BICRA: variants seen among roughly 807,000 people sequenced by gnomAD.
The protein encoded by BICRA is BRD4-interacting chromatin-remodeling complex-associated protein.
BICRA carries 31 observed loss-of-function variants against 96.9 expected under a neutral mutation model. The ratio of observed to expected loss-of-function variants is 0.32; its 90% confidence interval spans 0.24 to 0.43. The LOEUF (loss-of-function observed/expected upper bound fraction) is 0.43, where lower values mean the gene tolerates loss of function less well. BICRA is among the 20% of genes least tolerant of loss of function. The probability of loss-of-function intolerance (pLI) is 1.00; values close to 1 mark genes in which losing one functional copy is unlikely to be tolerated. For missense variants in BICRA, 2,283 were observed against 2,190.3 expected (o/e 1.04, Z -0.84); for synonymous variants, 1,350 against 1,071.8 (o/e 1.26, Z -5.07).
In BICRA at chr19:47,675,081, C is replaced by G. The variant is rs1972921104; in HGVS notation, c.85-770C>G. 6.6e-6 allele frequency among the ~76,000 whole-genome samples: 1 copy of G among 152,102 alleles called. No individual in the cohort carries two copies. Among genetic ancestry groups the G allele is most frequent in the South Asian group, 2.1e-4 (1 of 4,820 alleles). ...TTGGGATCTATCTGGGAGGTGGCAT[C>G]AACTAGACTTGCTGGTGGACTCGAT... On this transcript the variant is annotated intron_variant, in intron 4 of 14. Transcript: ENST00000594866. This position sits in a 1 kb window ranked among gnomAD's most constrained non-coding sequence, Gnocchi z 4.7.
chr19:47,634,900 C>T (rs1019868207), intron 1 of BICRA, among the ~76,000 whole-genome samples: 17 of 151,316 alleles, frequency 1.1e-4, no homozygotes, highest in Admixed American at 6.0e-4. Context: ...GTAGCTGGGA[C>T]TGCAGGCACC....
chr19:47,632,358 C>T (rs1972233453), intron 1 of BICRA, among the ~76,000 whole-genome samples: 1 of 152,234 alleles, frequency 6.6e-6, no homozygotes, highest in African/African-American at 2.4e-5. Flanking sequence ...GGGACCTTGG[C>T]AGGAGTCAGC....
intron 1 of BICRA, among the ~76,000 whole-genome samples, chr19:47,657,692 G>A (rs930185478): frequency 3.3e-5 from 5 of 152,134 alleles, no homozygotes; most frequent in African/African-American, 1.2e-4. Flanking sequence ...CACCATGCCC[G>A]GCTGCTGTGA....
Position 47,681,064 on chromosome 19 carries a change from A to G in BICRA, c.1894A>G (p.Ser632Gly). 5 of 1,391,784 alleles carry G rather than the reference A, an allele frequency of 3.6e-6. 1 individual carries two copies. In the South Asian group the frequency reaches 7.6e-5, roughly 21 times the overall value. The allele number at this position is 1,391,784 out of a possible 1,614,324, so 86.2% of individuals were successfully genotyped here. Residue 632 changes from serine to glycine, a missense_variant, in exon 6 of 15, where the codon AGC becomes GGC. Physicochemically the swap from Ser to Gly is moderately conservative, Grantham distance 56 (BLOSUM62 0). Coordinates refer to ENST00000594866, the MANE Select transcript of BICRA (RefSeq NM_001394372.1). ...QPAPQAPPAVSTPLPLGLQQP... is the reference protein window; with the variant it reads ...QPAPQAPPAVGTPLPLGLQQP... Reference sequence around the variant, plus strand: ...TGCCCCCCAGGCGCCCCCCGCGGTCAGCACACCCCTGCCCCTGGGCCTCCA... The same window carrying G: ...TGCCCCCCAGGCGCCCCCCGCGGTCGGCACACCCCTGCCCCTGGGCCTCCA...
chr19:47,673,663 C>T (rs1405955211), intron 3 of BICRA, 48 bp downstream of exon 3: 1 of 1,544,778 alleles, frequency 6.5e-7, no homozygotes. Context: ...AACCCCCTCC[C>T]TTCCCTCCCC....
chr19:47,694,980 C>T lies in BICRA; in HGVS notation c.2976C>T (p.Leu992=). Residue 992 remains leucine, a synonymous_variant, in exon 9 of 15, where the codon CTC becomes CTT. Transcript: ENST00000594866. ...APQTSTSLGP[L]TSPAASVLVS... is the part of the protein sequence containing the mutation. ...AGACCTCCACCAGCCTGGGGCCCCT[C>T]ACCAGCCCCGCTGCGTCTGTGCTGG... 1 of 1,553,758 alleles carries T rather than the reference C, an allele frequency of 6.4e-7. No individual in the cohort carries two copies. The highest frequency in any genetic ancestry group is 1.4e-5 in the African/African-American group (1 of 72,348).
Position 47,679,885 on chromosome 19 carries a change from G to A in BICRA, c.715G>A (p.Gly239Ser). 6.6e-7 allele frequency: 1 copy of A among 1,519,366 alleles called. No individual in the cohort carries two copies. Among genetic ancestry groups the A allele is most frequent in the Non-Finnish European group, 8.8e-7 (1 of 1,139,802 alleles). The allele number at this position is 1,519,366 out of a possible 1,614,324, so 94.1% of individuals were successfully genotyped here. A position where few individuals can be genotyped will look rare whatever the true frequency, so the allele number is the denominator to read the frequency against. The change falls in exon 6 of 15, where the codon GGC becomes AGC. Residue 239 changes from glycine (G) to serine (S), a missense_variant. Physicochemically the swap from Gly to Ser is moderately conservative, Grantham distance 56 (BLOSUM62 0). Transcript: ENST00000594866. Reference sequence around the variant, plus strand: ...GGGCCTGGCGCCCATCCAGGTGGTGGGCCAGCCCGTCATGGCGCTCAACAC... The same window carrying A: ...GGGCCTGGCGCCCATCCAGGTGGTGAGCCAGCCCGTCATGGCGCTCAACAC... ...TLGLAPIQVV[G>S]QPVMALNTPT...
In BICRA at chr19:47,702,284, A is replaced by T. The variant is rs1973473199; in HGVS notation, c.4552A>T (p.Thr1518Ser). The change falls in exon 15 of 15, where the codon ACG becomes TCG. Residue 1518 changes from threonine (T) to serine (S), a missense_variant. Thr to Ser is a moderately conservative substitution (Grantham distance 58). Transcript: ENST00000594866. The part of the protein sequence containing the change: ...ILNLQQAPGR[T>S]PAPSYPHAAS... The stretch of plus-strand genomic sequence containing the variant: ...GAACCTGCAGCAGGCCCCCGGCCGG[A>T]CGCCCGCGCCCTCGTACCCCCACGC... The T allele has an allele frequency of 3.8e-6, 6 of 1,593,276 alleles. No homozygotes were observed. Among genetic ancestry groups the T allele is most frequent in the African/African-American group, 1.4e-5 (1 of 73,786 alleles).
chr19:47,612,233 G>A (rs1971917826), intron 1 of BICRA, among the ~76,000 whole-genome samples: 1 of 151,936 alleles, frequency 6.6e-6, no homozygotes, highest in South Asian at 2.1e-4. Flanking sequence ...TAGGCAACAC[G>A]GTGAGACCCT....
chr19:47,627,501 T>C (rs950418178), intron 1 of BICRA, among the ~76,000 whole-genome samples: 3 of 152,196 alleles, frequency 2.0e-5, no homozygotes, highest in African/African-American at 7.2e-5. Context: ...CACAGGATGA[T>C]GTGGGACCCC....
chr19:47,632,948 G>A (rs576841739), intron 1 of BICRA, among the ~76,000 whole-genome samples: 3 of 152,114 alleles, frequency 2.0e-5, no homozygotes, highest in South Asian at 4.1e-4. Flanking sequence ...GCAAGGGTTC[G>A]GCTCAGTGAG....
At chr19:47,621,511 T>C (rs542733692) in intron 1 of BICRA, among the ~76,000 whole-genome samples, 1 of 152,054 alleles carries the variant, frequency 6.6e-6, no homozygotes, top group Non-Finnish European at 1.5e-5. Flanking sequence ...TTTGCTCTTG[T>C]TGCCCAGGCT....
At chr19:47,682,574 T>C (rs1294085519) in intron 7 of BICRA, among the ~76,000 whole-genome samples, 2 of 152,154 alleles carry the variant, frequency 1.3e-5, no homozygotes, top group Non-Finnish European at 2.9e-5. Flanking sequence ...AATAGATTCT[T>C]TTCCTTCAAT....
At chr19:47,615,399 T>C (rs2921555) in intron 1 of BICRA, among the ~76,000 whole-genome samples, 131,188 of 152,202 alleles carry the variant, frequency 0.86, 56,651 homozygotes, top group Admixed American at 0.89. Flanking sequence ...GACCTCCTTG[T>C]GTCTGATGAC....
At chr19:47,637,955 C>G (rs1972325112) in intron 1 of BICRA, among the ~76,000 whole-genome samples, 1 of 152,158 alleles carries the variant, frequency 6.6e-6, no homozygotes, top group Non-Finnish European at 1.5e-5. Context: ...GACATTGGGT[C>G]CATTCCCCTT....
At chr19:47,666,317 T>G (rs755396616) in intron 1 of BICRA, among the ~76,000 whole-genome samples, 35 of 151,448 alleles carry the variant, frequency 2.3e-4, no homozygotes, top group Non-Finnish European at 3.7e-4. Flanking sequence ...TTGAGCTCTG[T>G]CATCCAGGCT....
chr19:47,617,709 G>C (rs983277246), intron 1 of BICRA, among the ~76,000 whole-genome samples: 1 of 151,474 alleles, frequency 6.6e-6, no homozygotes, highest in African/African-American at 2.4e-5. Flanking sequence ...ACCGAGAGTT[G>C]AGAAAATAGC....
intron 5 of BICRA, among the ~76,000 whole-genome samples, chr19:47,676,702 A>G (rs1327746958): frequency 6.6e-6 from 1 of 150,944 alleles, no homozygotes; most frequent in Non-Finnish European, 1.5e-5. Context: ...TTTAGTTCTC[A>G]CAGCTATAAT....
chr19:47,629,729 C>T (rs1972193136), intron 1 of BICRA, among the ~76,000 whole-genome samples: 1 of 152,090 alleles, frequency 6.6e-6, no homozygotes, highest in African/African-American at 2.4e-5. Flanking sequence ...GCGATCTCGA[C>T]TCACTGCAAC....
Sources: gnomAD v4.1 joint callset for allele counts (sites outside exome capture counted in the v4.1 genomes callset) on GRCh38, gnomAD v4.1.1 for gene constraint, Gnocchi (gnomAD v3.1) non-coding constraint, MANE v1.5 for transcripts, NCBI Gene and HGNC (gene_info 2026-07-23, HGNC 2026-07-21) for gene names.